MAP3K7CL: variants seen among roughly 807,000 people sequenced by gnomAD.
MAP3K7CL encodes MAP3K7 C-terminal like.
A neutral mutation model predicts 18.6 loss-of-function variants in MAP3K7CL; 16 were observed. The observed-to-expected ratio is 0.86, with a 90% confidence interval of 0.58 to 1.31. MAP3K7CL has a LOEUF of 1.31. Ranked by LOEUF, MAP3K7CL falls within the 50% of genes most tolerant of loss-of-function variation. MAP3K7CL has a pLI of 0.00. For synonymous variants in MAP3K7CL, 65 were observed against 66.8 expected, an observed-to-expected ratio of 0.97 and a Z score of 0.13; for missense variants, 163 against 174.4, an observed-to-expected ratio of 0.93 and a Z score of 0.37.
chr21:29,144,835 A>C (rs1336664482), intron 2 of MAP3K7CL, among the ~76,000 whole-genome samples: 1 of 152,230 alleles, frequency 6.6e-6, no homozygotes, highest in African/African-American at 2.4e-5. Context: ...GGGAATCTAC[A>C]AACAAAATAA....
At chr21:29,103,158 A>C (rs1268861012) in intron 4 of MAP3K7CL, among the ~76,000 whole-genome samples, 2 of 152,214 alleles carry the variant, frequency 1.3e-5, no homozygotes, top group Non-Finnish European at 2.9e-5. Context: ...ATAATGTTTT[A>C]TTGGGACAAA....
At chr21:29,080,061 G>C (rs1246062088) in intron 1 of MAP3K7CL, among the ~76,000 whole-genome samples, 2 of 152,316 alleles carry the variant, frequency 1.3e-5, no homozygotes, top group Admixed American at 1.3e-4. Flanking sequence ...TAGATATCTA[G>C]AGATGAAATC....
intron 2 of MAP3K7CL, among the ~76,000 whole-genome samples, chr21:29,148,082 A>C (rs948167946): frequency 6.6e-6 from 1 of 151,734 alleles, no homozygotes; most frequent in Non-Finnish European, 1.5e-5. Context: ...TCTGTGCTAT[A>C]TCTCTATTAT....
At chr21:29,121,470 AAGTT>A (rs1339220939) in intron 4 of MAP3K7CL, among the ~76,000 whole-genome samples, 1 of 152,154 alleles carries the variant, frequency 6.6e-6, no homozygotes, top group Non-Finnish European at 1.5e-5. Context: ...AGCTAATGTT[AAGTT>A]AGTTCTTGAC....
rs148218950 is a variant in MAP3K7CL at position 29,111,272 on chromosome 21, A to AAAC, written c.370+18712_370+18714dup. Among the ~76,000 whole-genome samples, 174 of 151,366 alleles carry AAAC rather than the reference A, an allele frequency of 1.1e-3. 1 individual carries two copies. Among genetic ancestry groups the AAAC allele is most frequent in the Non-Finnish European group, 2.0e-3 (138 of 67,818 alleles). ...CTCCTTCTCAAAAAAAGAAAAAACA[A>AAAC]AACAACAACAACAACAACAACAAAA... On this transcript the variant is annotated intron_variant, in intron 4 of 6. Coordinates refer to the MAP3K7CL transcript ENST00000286791.
intron 4 of MAP3K7CL, among the ~76,000 whole-genome samples, chr21:29,168,784 C>T (rs1220139018): frequency 6.6e-6 from 1 of 152,150 alleles, no homozygotes; most frequent in African/African-American, 2.4e-5. Flanking sequence ...CAAAAAATTG[C>T]AACCTCAGGC....
chr21:29,174,845 C>T lies in MAP3K7CL; in HGVS notation c.382C>T (p.Leu128=), dbSNP rs148340255. The T allele has an allele frequency of 1.0e-3, 1,624 of 1,614,120 alleles. 3 individuals are homozygous for T. The highest frequency in any genetic ancestry group is 1.1e-3 in the Non-Finnish European group (1,312 of 1,180,014). The change falls in exon 5 of 5, where the codon CTG becomes TTG. Residue 128 remains leucine, a synonymous_variant. Transcript: ENST00000399928. ...RLAQSQCVEQ[L]EKLRIQYQKR... is the part of the protein sequence containing the mutation. The stretch of plus-strand genomic sequence containing the variant: ...GGCCCAGTCTCAATGTGTGGAACAA[C>T]TGGAGAAACTTCGAATACAGTATCA...
chr21:29,135,851 C>T (rs1269031791), intron 2 of MAP3K7CL, among the ~76,000 whole-genome samples: 2 of 152,034 alleles, frequency 1.3e-5, no homozygotes, highest in Non-Finnish European at 2.9e-5. Flanking sequence ...ACCCTCTAGC[C>T]CCACCAAAAG....
At chr21:29,086,850 T>C (rs2085933607) in intron 1 of MAP3K7CL, among the ~76,000 whole-genome samples, 1 of 152,258 alleles carries the variant, frequency 6.6e-6, no homozygotes, top group Admixed American at 6.5e-5. Context: ...ATGATTATGA[T>C]GACGTCCCCC....
chr21:29,136,959 C>T (rs943236556), intron 2 of MAP3K7CL, among the ~76,000 whole-genome samples: 1 of 152,240 alleles, frequency 6.6e-6, no homozygotes, highest in African/African-American at 2.4e-5. Context: ...CTAGACCTAC[C>T]TCCAACACTA....
intron 2 of MAP3K7CL, among the ~76,000 whole-genome samples, chr21:29,138,067 G>C (rs2086923237): frequency 6.6e-6 from 1 of 152,158 alleles, no homozygotes. Context: ...GGTAGATGAG[G>C]AGTTGGTCAT....
intron 4 of MAP3K7CL, 139 bp from the exon 5 acceptor site, chr21:29,174,573 C>A: frequency 9.7e-7 from 1 of 1,027,596 alleles, no homozygotes; most frequent in Non-Finnish European, 1.4e-6. Context: ...AAATAAAAGT[C>A]ATTGGAGGCA....
intron 4 of MAP3K7CL, among the ~76,000 whole-genome samples, chr21:29,111,172 C>T (rs903153984): frequency 7.9e-5 from 12 of 152,100 alleles, no homozygotes; most frequent in African/African-American, 2.9e-4. Context: ...AGAAGAATTG[C>T]TTGAACCCGG....
intron 3 of MAP3K7CL, chr21:29,092,280 A>T: frequency 2.5e-6 from 2 of 808,548 alleles, no homozygotes; most frequent in East Asian, 5.4e-5. Flanking sequence ...CTTTCCCCTG[A>T]TGAGAAACCT....
chr21:29,080,493 G>T (rs185614362), intron 1 of MAP3K7CL: 1 of 152,208 alleles, frequency 6.6e-6, no homozygotes, highest in South Asian at 2.1e-4. Context: ...AATGTGATGA[G>T]ATGATGCATT....
At chr21:29,168,136 C>T (rs974918) in intron 4 of MAP3K7CL, among the ~76,000 whole-genome samples, 59,178 of 151,712 alleles carry the variant, frequency 0.39, 13,066 homozygotes, top group Non-Finnish European at 0.5. Context: ...AATATTTACT[C>T]AGCCTCCAGA....
At chr21:29,085,977 G>C in intron 1 of MAP3K7CL, 2 of 1,562,668 alleles carry the variant, frequency 1.3e-6, no homozygotes, top group Non-Finnish European at 1.8e-6. Flanking sequence ...CCTGTTTTCA[G>C]TGAAAACAGG....
chr21:29,170,932 C>G (rs1433064306), intron 4 of MAP3K7CL, among the ~76,000 whole-genome samples: 1 of 123,384 alleles, frequency 8.1e-6, no homozygotes, highest in Non-Finnish European at 1.6e-5. Context: ...AGCCTCTGTG[C>G]CTGCCTCTTT....
At chr21:29,149,347 G>A in intron 3 of MAP3K7CL, 97 bp downstream of exon 3, 1 of 1,043,950 alleles carries the variant, frequency 9.6e-7, no homozygotes, top group Non-Finnish European at 1.5e-6. Context: ...GACTGACTTG[G>A]ACCCAGAATG....
Sources: gnomAD v4.1 joint callset for allele counts (sites outside exome capture counted in the v4.1 genomes callset) on GRCh38, gnomAD v4.1.1 for gene constraint, MANE v1.5 for transcripts, NCBI Gene and HGNC (gene_info 2026-07-23, HGNC 2026-07-21) for gene names.